Variants in LHFPL3 observed in about 807,000 individuals in gnomAD.
The protein encoded by LHFPL3 is LHFPL tetraspan subfamily member 3.
In LHFPL3, 5 loss-of-function variants were observed where a neutral mutation model predicts 19.3. That is an observed-to-expected ratio of 0.26 (90% CI 0.14 to 0.54). The LOEUF is 0.54. LHFPL3 is among the 20% of genes least tolerant of loss of function. The pLI is 0.94. For synonymous variants in LHFPL3, 133 were observed against 126.2 expected, an observed-to-expected ratio of 1.05 and a Z score of -0.36; for missense variants, 249 against 307.4, an observed-to-expected ratio of 0.81 and a Z score of 1.42.
intron 1 of LHFPL3, among the ~76,000 whole-genome samples, chr7:104,591,710 T>C (rs1321100692): frequency 6.6e-6 from 1 of 152,206 alleles, no homozygotes; most frequent in East Asian, 1.9e-4. Flanking sequence ...TGAAGAGTGT[T>C]TTCCAAGTTG....
chr7:104,777,826 G>A (rs1265141690), intron 2 of LHFPL3, among the ~76,000 whole-genome samples: 4 of 151,998 alleles, frequency 2.6e-5, no homozygotes, highest in South Asian at 2.1e-4. Context: ...AAACACAGCA[G>A]GAACCATGTC....
intron 1 of LHFPL3, among the ~76,000 whole-genome samples, chr7:104,705,009 T>C (rs1035632637): frequency 1.3e-5 from 2 of 152,344 alleles, no homozygotes; most frequent in African/African-American, 4.8e-5. Flanking sequence ...CTTTCCAGTA[T>C]CACAAATAAA....
intron 2 of LHFPL3, among the ~76,000 whole-genome samples, chr7:104,868,806 C>A (rs906953806): frequency 6.6e-6 from 1 of 152,124 alleles, no homozygotes; most frequent in Non-Finnish European, 1.5e-5. Flanking sequence ...GGAGGCATCA[C>A]GCTACCTGAC....
intron 1 of LHFPL3, among the ~76,000 whole-genome samples, chr7:104,541,956 G>T (rs1794492923): frequency 6.6e-6 from 1 of 152,080 alleles, no homozygotes; most frequent in Admixed American, 6.6e-5. Flanking sequence ...AGCAGATGTG[G>T]AAAGATAGGA....
At chr7:104,854,761 A>T (rs17706774) in intron 2 of LHFPL3, among the ~76,000 whole-genome samples, 2 of 152,006 alleles carry the variant, frequency 1.3e-5, no homozygotes, top group African/African-American at 2.4e-5. Context: ...AGAAAATATC[A>T]CTTCTGTAGC....
intron 1 of LHFPL3, among the ~76,000 whole-genome samples, chr7:104,666,981 C>T (rs1315157935): frequency 6.6e-6 from 1 of 152,094 alleles, no homozygotes; most frequent in Non-Finnish European, 1.5e-5. Context: ...CTTTGATATA[C>T]TGATTTTCTT....
chr7:104,519,988 A>C (rs950061500), intron 1 of LHFPL3, among the ~76,000 whole-genome samples: 3 of 152,078 alleles, frequency 2.0e-5, no homozygotes, highest in African/African-American at 7.2e-5. Context: ...CGAGAAAAGA[A>C]AATTAGTGGT....
intron 1 of LHFPL3, among the ~76,000 whole-genome samples, chr7:104,580,903 A>C (rs1051427416): frequency 4.6e-5 from 7 of 151,994 alleles, no homozygotes; most frequent in Non-Finnish European, 1.0e-4. Context: ...CCAATTTATG[A>C]ATGTACCATT....
chr7:104,459,628 G>T (rs1267114546), intron 1 of LHFPL3, among the ~76,000 whole-genome samples: 1 of 152,174 alleles, frequency 6.6e-6, no homozygotes, highest in Non-Finnish European at 1.5e-5. Flanking sequence ...CATCACTCAA[G>T]CAATAGTCAG....
intron 2 of LHFPL3, among the ~76,000 whole-genome samples, chr7:104,823,952 C>T (rs1790727944): frequency 6.6e-6 from 1 of 150,756 alleles, no homozygotes; most frequent in Admixed American, 6.7e-5. Flanking sequence ...TCGAGACCAA[C>T]CTGGCCAGCA....
chr7:104,415,159 A>G lies in LHFPL3; in HGVS notation c.445+85935A>G, dbSNP rs182625028. Among the ~76,000 whole-genome samples the G allele has an allele frequency of 1.3e-4, 20 of 152,326 alleles. No individual in the cohort carries two copies. In the East Asian group the frequency reaches 2.9e-3, roughly 22 times the overall value. On this transcript the variant is annotated intron_variant, in intron 1 of 2. Coordinates refer to ENST00000424859, the MANE Select transcript of LHFPL3 (RefSeq NM_199000.3). ...AAGTGGGAAAACGATTCTTAATCCT[A>G]TATCAAGGACACCTACCTACTCAAG...
At chr7:104,492,857 G>A (rs1038594341) in intron 1 of LHFPL3, among the ~76,000 whole-genome samples, 4 of 152,038 alleles carry the variant, frequency 2.6e-5, no homozygotes, top group South Asian at 4.2e-4. Flanking sequence ...GATCCCACTC[G>A]TTCCTGCCTC....
intron 1 of LHFPL3, among the ~76,000 whole-genome samples, chr7:104,554,209 G>A (rs1213411340): frequency 6.6e-6 from 1 of 151,960 alleles, no homozygotes; most frequent in East Asian, 1.9e-4. Flanking sequence ...TTGTGGATTT[G>A]TTTGTTGGCA....
intron 1 of LHFPL3, among the ~76,000 whole-genome samples, chr7:104,505,980 A>G (rs1414606957): frequency 6.6e-6 from 1 of 152,172 alleles, no homozygotes; most frequent in African/African-American, 2.4e-5. Flanking sequence ...TTCTTTGAAA[A>G]TGAATGTAAT....
chr7:104,591,761 G>A (rs113100352), intron 1 of LHFPL3, among the ~76,000 whole-genome samples: 167 of 152,254 alleles, frequency 1.1e-3, no homozygotes, highest in African/African-American at 3.9e-3. Context: ...CTAATCAGAT[G>A]TAGATTTGGA....
At chr7:104,735,442 G>A (rs1003767950) in intron 1 of LHFPL3, among the ~76,000 whole-genome samples, 1 of 152,178 alleles carries the variant, frequency 6.6e-6, no homozygotes, top group Non-Finnish European at 1.5e-5. Flanking sequence ...CAGCCTAGCT[G>A]CCACCTTGCA....
intron 1 of LHFPL3, among the ~76,000 whole-genome samples, chr7:104,736,314 G>T (rs1177252853): frequency 6.6e-6 from 1 of 152,122 alleles, no homozygotes; most frequent in Admixed American, 6.5e-5. Context: ...GCAGTGTTAT[G>T]ATTCCTTATG....
Position 104,457,891 on chromosome 7 carries a change from C to G in LHFPL3, c.445+128667C>G, listed in dbSNP as rs1045431129. Among the ~76,000 whole-genome samples the G allele has an allele frequency of 3.2e-3, 455 of 141,434 alleles. 18 individuals are homozygous for G. Among genetic ancestry groups the G allele is most frequent in the African/African-American group, 0.012 (439 of 35,758 alleles). 92.8% of individuals were successfully genotyped at this position (141,434 alleles called of 152,430 possible). A position where few individuals can be genotyped will look rare whatever the true frequency, so the allele number is the denominator to read the frequency against. ...TGATGGTGAGCATTTTTTCATGTGT[C>G]TTTTGGCTGCATAAATGTCTTCTTT... On this transcript the variant is annotated intron_variant, in intron 1 of 2. Coordinates refer to ENST00000424859, the MANE Select transcript of LHFPL3 (RefSeq NM_199000.3).
chr7:104,376,385 G>C (rs1371071253), intron 1 of LHFPL3, among the ~76,000 whole-genome samples: 1 of 152,170 alleles, frequency 6.6e-6, no homozygotes, highest in East Asian at 1.9e-4. Context: ...TAGAGAAGTT[G>C]TTATATAGGA....
Sources: gnomAD v4.1 joint callset for allele counts (sites outside exome capture counted in the v4.1 genomes callset) on GRCh38, gnomAD v4.1.1 for gene constraint, MANE v1.5 for transcripts, NCBI Gene and HGNC (gene_info 2026-07-23, HGNC 2026-07-21) for gene names.